The following USP45 variants were observed in gnomAD, a reference collection of about 807,000 sequenced individuals.
USP45 encodes the protein ubiquitin carboxyl-terminal hydrolase 45.
A neutral mutation model predicts 95.8 loss-of-function variants in USP45; 89 were observed. That is an observed-to-expected ratio of 0.93 (90% CI 0.78 to 1.11). The LOEUF is 1.11. USP45 is among the 50% of genes least tolerant of loss of function. The pLI is 0.00. For missense variants in USP45, 898 were observed against 942.5 expected, an observed-to-expected ratio of 0.95 and a Z score of 0.62; for synonymous variants, 281 against 316.2, an observed-to-expected ratio of 0.89 and a Z score of 1.18.
At chr6:99,488,945 A>T (rs1794595667) in intron 5 of USP45, 125 bp from the exon 6 acceptor site, 1 of 725,632 alleles carries the variant, frequency 1.4e-6, no homozygotes, top group Admixed American at 3.9e-5. Context: ...GTGTTCCTGA[A>T]GGGGAAGAAT....
chr6:99,505,280 GTATAT>G lies in USP45; in HGVS notation c.378-1420_378-1416del, dbSNP rs139075750. On this transcript the variant is annotated intron_variant, in intron 4 of 17. Coordinates refer to ENST00000500704, the MANE Select transcript of USP45 (RefSeq NM_001346022.3). ...TACATCGTATTAATTTGTTTCTTCTGTATATTATAATTACCTGTTTCCTTTATCCT... is the reference window on the plus strand; with the variant it reads ...TACATCGTATTAATTTGTTTCTTCTGTATAATTACCTGTTTCCTTTATCCT... Among the ~76,000 whole-genome samples the G allele has an allele frequency of 7.1e-3, 1,084 of 152,218 alleles. 9 individuals carry two copies. Among genetic ancestry groups the G allele is most frequent in the African/African-American group, 0.025 (1,046 of 41,556 alleles).
intron 13 of USP45, among the ~76,000 whole-genome samples, chr6:99,463,208 T>C (rs932106353): frequency 5.3e-5 from 8 of 152,208 alleles, no homozygotes; most frequent in Admixed American, 3.3e-4. Context: ...AATTTTCCAT[T>C]TTCATGGGAT....
At chr6:99,468,150 A>G (rs770561992) in intron 10 of USP45, 48 of 455,962 alleles carry the variant, frequency 1.1e-4, no homozygotes, top group Non-Finnish European at 2.1e-4. Flanking sequence ...TGGAGCACTT[A>G]AACATTTTGT....
chr6:99,457,185 TGTCCTGTG>T lies in USP45; in HGVS notation c.1308+7411_1308+7418del, dbSNP rs545674574. ...TCATTAGCAATTTTAATTTCACCTCTGTCCTGTGGTCCTGTGATCTTGCCCTGCCTCCA... is the reference window on the plus strand; with the variant it reads ...TCATTAGCAATTTTAATTTCACCTCTGTCCTGTGATCTTGCCCTGCCTCCA... On this transcript the variant is annotated intron_variant, in intron 13 of 17. Transcript: ENST00000500704. Among the ~76,000 whole-genome samples the T allele has an allele frequency of 5.7e-4, 87 of 152,348 alleles. 2 individuals are homozygous for T. The East Asian group carries it at 0.016, about 28-fold the overall frequency.
At position 99,433,664 on chromosome 6, in the gene USP45, T is replaced by A. The variant is rs1412425454; in HGVS notation, c.*2052A>T. On this transcript the variant is annotated 3_prime_UTR_variant, in exon 18 of 18. Transcript: ENST00000500704. ...TCCTTTAACATGAAGAAAATGACAA[T>A]AAAAATATCTTACTTGCATGTTACT... 4 of 152,102 alleles carry A rather than the reference T, an allele frequency of 2.6e-5. No individual in the cohort carries two copies. Among genetic ancestry groups the A allele is most frequent in the African/African-American group, 9.7e-5 (4 of 41,412 alleles). The allele number at this position is 152,102 out of a possible 1,614,324, so 9.4% of individuals were successfully genotyped here. A position where few individuals can be genotyped will look rare whatever the true frequency, so the allele number is the denominator to read the frequency against.
intron 14 of USP45, 32 bp from the exon 15 acceptor site, chr6:99,443,694 A>T: frequency 7.4e-7 from 1 of 1,353,222 alleles, no homozygotes; most frequent in Non-Finnish European, 1.0e-6. Context: ...TATTTATAAA[A>T]TTCCATTTTA....
intron 9 of USP45, among the ~76,000 whole-genome samples, chr6:99,475,398 C>A (rs6570082): frequency 0.29 from 43,831 of 150,580 alleles, 6,648 homozygotes; most frequent in East Asian, 0.48. Context: ...CTCACTGCAA[C>A]CTCCACCCTT....
chr6:99,488,975 G>T (rs1409256382), intron 5 of USP45, among the ~76,000 whole-genome samples, 155 bp from the exon 6 acceptor site: 1 of 152,080 alleles, frequency 6.6e-6, no homozygotes, highest in East Asian at 1.9e-4. Context: ...ACTATCTTTG[G>T]TTTTATATTT....
At chr6:99,515,770 CTTTTTTTTT>C (rs56926251), upstream of USP45, among the ~76,000 whole-genome samples, 22 of 88,468 alleles carry the variant, frequency 2.5e-4, no homozygotes, top group Non-Finnish European at 2.9e-4. Flanking sequence ...CCTCTGAACT[CTTTTTTTTT>C]TTTTTTTTTT....
chr6:99,487,800 CA>C (rs1350595691), intron 7 of USP45, among the ~76,000 whole-genome samples: 3 of 146,784 alleles, frequency 2.0e-5, no homozygotes, highest in East Asian at 2.0e-4. Flanking sequence ...GACCCCGTCT[CA>C]AAAAAAAAAC....
At chr6:99,456,865 A>G (rs988219225) in intron 13 of USP45, among the ~76,000 whole-genome samples, 2 of 152,258 alleles carry the variant, frequency 1.3e-5, no homozygotes, top group Admixed American at 6.5e-5. Flanking sequence ...GAACAGAGCC[A>G]TATTTCTCTT....
intron 7 of USP45, among the ~76,000 whole-genome samples, chr6:99,485,903 G>A (rs977283059): frequency 1.3e-5 from 2 of 152,180 alleles, no homozygotes; most frequent in Admixed American, 1.3e-4. Context: ...CTCAATAGAT[G>A]TGGGAAAAGC....
chr6:99,464,238 G>A (rs909577018), intron 13 of USP45, among the ~76,000 whole-genome samples: 5 of 152,096 alleles, frequency 3.3e-5, no homozygotes, highest in South Asian at 4.1e-4. Context: ...CCCAGGAGGC[G>A]GAGGCTGCAG....
chr6:99,456,191 A>G (rs1785051094), intron 13 of USP45, among the ~76,000 whole-genome samples: 1 of 151,136 alleles, frequency 6.6e-6, no homozygotes, highest in Non-Finnish European at 1.5e-5. Flanking sequence ...AATGATAGAT[A>G]TCAGAGGCTT....
At chr6:99,469,417 A>C (rs1788746135) in intron 9 of USP45, among the ~76,000 whole-genome samples, 1 of 147,176 alleles carries the variant, frequency 6.8e-6, no homozygotes, top group South Asian at 2.1e-4. Flanking sequence ...CAGTAGGATG[A>C]GGGAAAAGTT....
intron 5 of USP45, among the ~76,000 whole-genome samples, chr6:99,502,359 C>T (rs1412063575): frequency 1.3e-5 from 2 of 152,176 alleles, no homozygotes. Context: ...ACAGCACTTT[C>T]CTGAGTTCTC....
chr6:99,447,490 C>T (rs1782786508), intron 13 of USP45, among the ~76,000 whole-genome samples: 3 of 152,054 alleles, frequency 2.0e-5, no homozygotes, highest in African/African-American at 7.2e-5. Flanking sequence ...TTTTTGGAAA[C>T]AAACTTTCCT....
chr6:99,461,440 C>A, intron 13 of USP45: 2 of 985,344 alleles, frequency 2.0e-6, no homozygotes, highest in East Asian at 2.3e-4. Context: ...TACGTATCTG[C>A]CTCCTGTTAC....
At chr6:99,482,980 AAATTGCCTC>A (rs1268735979) in intron 7 of USP45, 97 bp from the exon 8 acceptor site, 98 of 1,040,622 alleles carry the variant, frequency 9.4e-5, no homozygotes, top group Non-Finnish European at 1.2e-4. Context: ...AACACCAACT[AAATTGCCTC>A]AATTGTATTA....
Sources: allele counts gnomAD v4.1 joint callset (sites outside exome capture counted in the v4.1 genomes callset), GRCh38; gene constraint gnomAD v4.1.1; transcripts MANE v1.5; gene names NCBI Gene and HGNC (gene_info 2026-07-23, HGNC 2026-07-21).